The following KLHL15 variants were observed in gnomAD, a reference collection of about 807,000 sequenced individuals.
KLHL15 encodes the protein kelch like family member 15.
Under a neutral mutation model 29.3 loss-of-function variants are expected in KLHL15, and 1 was observed. That is an observed-to-expected ratio of 0.03 (90% CI 0.01 to 0.16). KLHL15 has a LOEUF of 0.16. Ranked by LOEUF, KLHL15 falls within the 10% of genes least tolerant of loss-of-function variation. The pLI is 1.00. For missense variants in KLHL15, 215 were observed against 478.5 expected (o/e 0.45, Z 5.14); for synonymous variants, 212 against 184.5 (o/e 1.15, Z -1.21).
intron 2 of KLHL15, among the ~76,000 whole-genome samples, chrX:24,014,352 T>C (rs1331738115): frequency 8.9e-6 from 1 of 111,738 alleles, no homozygotes; most frequent in Non-Finnish European, 1.9e-5. Flanking sequence ...TAATCTGTTA[T>C]TTTGACAATG....
intron 2 of KLHL15, among the ~76,000 whole-genome samples, chrX:24,017,827 C>T (rs928309307): frequency 9.7e-6 from 1 of 103,511 alleles, no homozygotes; most frequent in Non-Finnish European, 2.0e-5. Flanking sequence ...AATTCTTTAA[C>T]TGGTTACAGC....
intron 2 of KLHL15, among the ~76,000 whole-genome samples, chrX:24,021,826 TAA>T (rs767263350): frequency 3.2e-5 from 3 of 94,420 alleles, no homozygotes; most frequent in Admixed American, 1.2e-4. Flanking sequence ...TTCTCTTCAA[TAA>T]AAAAAAAAAA....
chrX:24,025,918 C>T (rs1929924487), intron 1 of KLHL15, among the ~76,000 whole-genome samples: 1 of 110,972 alleles, frequency 9.0e-6, no homozygotes, highest in East Asian at 2.9e-4. Flanking sequence ...CCCCTTGCAG[C>T]GGTCTCTCTC....
At chrX:24,009,839 A>G (rs1026200015) in intron 2 of KLHL15, among the ~76,000 whole-genome samples, 1 of 107,709 alleles carries the variant, frequency 9.3e-6, no homozygotes, top group Non-Finnish European at 1.9e-5. Flanking sequence ...AAAATACCAA[A>G]ATTAGCTGGG....
intron 2 of KLHL15, among the ~76,000 whole-genome samples, chrX:24,010,514 C>G (rs1011635157): frequency 8.9e-6 from 1 of 112,483 alleles, no homozygotes; most frequent in Non-Finnish European, 1.9e-5. Context: ...AAACTAAGGA[C>G]AGCAGATATG....
At chrX:24,007,911 A>C (rs1481018784) in intron 2 of KLHL15, among the ~76,000 whole-genome samples, 1 of 104,200 alleles carries the variant, frequency 9.6e-6, no homozygotes, top group African/African-American at 3.3e-5. Flanking sequence ...AAGAATATTT[A>C]TCAGATATTG....
At chrX:24,003,470 G>A (rs1279674717) in intron 3 of KLHL15, among the ~76,000 whole-genome samples, 5 of 106,820 alleles carry the variant, frequency 4.7e-5, no homozygotes, top group Admixed American at 1.0e-4. Flanking sequence ...GGAGAATGGC[G>A]TGAACCTGAG....
intron 3 of KLHL15, among the ~76,000 whole-genome samples, chrX:23,993,250 G>A (rs1224144548): frequency 2.1e-5 from 2 of 96,950 alleles, no homozygotes; most frequent in Admixed American, 1.0e-4. Context: ...TCTGCAATCT[G>A]TGTGGAATTG....
intron 3 of KLHL15, among the ~76,000 whole-genome samples, chrX:24,001,313 A>G (rs1929310516): frequency 9.0e-6 from 1 of 111,625 alleles, no homozygotes; most frequent in Non-Finnish European, 1.9e-5. Flanking sequence ...TGATTATGTA[A>G]GATACTGTAT....
chrX:23,999,132 C>T (rs1007028031), intron 3 of KLHL15, among the ~76,000 whole-genome samples: 3 of 110,180 alleles, frequency 2.7e-5, no homozygotes, highest in Middle Eastern at 4.7e-3. Context: ...TGGTCTCAAA[C>T]GCCTGACCTC....
In KLHL15 at chrX:24,006,470, T is replaced by C; in HGVS notation, c.224A>G (p.Lys75Arg). Residue 75 changes from lysine (K) to arginine (R), a missense_variant, in exon 3 of 4, where the codon AAA becomes AGA. Physicochemically the swap from Lys to Arg is conservative, Grantham distance 26. Coordinates refer to ENST00000328046, the MANE Select transcript of KLHL15 (RefSeq NM_030624.3). The part of the protein sequence containing the change: ...RERDQDKIHL[K>R]GLTATGFSHV... ...GCTGAAACCGGTAGCTGTTAGACCT[T>C]TTAAATGAATTTTGTCCTGATCTCG... 1 of 1,211,211 alleles carries C rather than the reference T, an allele frequency of 8.3e-7. No individual in the cohort carries two copies. The highest frequency in any genetic ancestry group is 1.1e-6 in the Non-Finnish European group (1 of 895,157).
intron 3 of KLHL15, among the ~76,000 whole-genome samples, chrX:23,989,716 T>C (rs1462053902): frequency 9.0e-6 from 1 of 111,532 alleles, no homozygotes; most frequent in Non-Finnish European, 1.9e-5. Flanking sequence ...ATGTAAAATT[T>C]CGGGGTTTTG....
At chrX:24,013,095 G>C (rs1929607291) in intron 2 of KLHL15, among the ~76,000 whole-genome samples, 1 of 111,030 alleles carries the variant, frequency 9.0e-6, no homozygotes, top group Non-Finnish European at 1.9e-5. Context: ...TTGTTCATCT[G>C]AATTATTGGT....
Position 23,988,212 on chromosome X carries a change from T to C in KLHL15, c.1524A>G (p.Gly508=). ...GGTTGTATACTTCTGTAGAAGGGCA[T>C]CCCTGAGATTCGAAAGAGGCCCTCA... is the stretch of plus-strand genomic sequence containing the variant. ...VILRASFESQ[G]CPSTEVYNPE... The change falls in exon 4 of 4, where the codon GGA becomes GGG. Residue 508 remains glycine (G), a synonymous_variant. Coordinates refer to ENST00000328046, the MANE Select transcript of KLHL15 (RefSeq NM_030624.3). 5 of 1,211,680 alleles carry C rather than the reference T, an allele frequency of 4.1e-6. No homozygotes were observed. Among genetic ancestry groups the C allele is most frequent in the Non-Finnish European group, 5.6e-6 (5 of 895,312 alleles).
chrX:24,017,967 T>C (rs897339551), intron 2 of KLHL15, among the ~76,000 whole-genome samples: 5 of 109,539 alleles, frequency 4.6e-5, no homozygotes, highest in African/African-American at 1.7e-4. Context: ...TAGCAGAGCT[T>C]GGTGGCGTGC....
intron 2 of KLHL15, among the ~76,000 whole-genome samples, chrX:24,015,364 G>A (rs1386301774): frequency 8.0e-5 from 9 of 112,268 alleles, no homozygotes; most frequent in Non-Finnish European, 1.1e-4. Flanking sequence ...TCTCAGCAAC[G>A]CATTTGTGAA....
chrX:23,997,972 T>A (rs1929228689), intron 3 of KLHL15, among the ~76,000 whole-genome samples: 1 of 108,778 alleles, frequency 9.2e-6, no homozygotes, highest in African/African-American at 3.3e-5. Flanking sequence ...AGGTAGAAAA[T>A]AATGTTTGAG....
rs775050288 is a variant in KLHL15 at position 23,998,318 on chromosome X, G to A, written c.705+7671C>T. On this transcript the variant is annotated intron_variant, in intron 3 of 3. Transcript: ENST00000328046. ...GTTGCCCAGGCTGGAGTGCAGTGGCGCGATCTTGGCTCACTGCATGCTCCA... is the reference window on the plus strand; with the variant it reads ...GTTGCCCAGGCTGGAGTGCAGTGGCACGATCTTGGCTCACTGCATGCTCCA... Among the ~76,000 whole-genome samples the A allele has an allele frequency of 7.3e-5, 8 of 109,473 alleles. No individual in the cohort carries two copies. In the East Asian group the frequency reaches 1.7e-3, roughly 24 times the overall value.
chrX:24,001,504 C>G (rs1279649246), intron 3 of KLHL15, among the ~76,000 whole-genome samples: 1 of 110,477 alleles, frequency 9.1e-6, no homozygotes. Flanking sequence ...CTTTTATGTA[C>G]AAAAAAAGTC....
Sources: gnomAD v4.1 joint callset for allele counts (sites outside exome capture counted in the v4.1 genomes callset) on GRCh38, gnomAD v4.1.1 for gene constraint, MANE v1.5 for transcripts, NCBI Gene and HGNC (gene_info 2026-07-23, HGNC 2026-07-21) for gene names.